CYFIP1: variants seen among roughly 807,000 people sequenced by gnomAD.
The protein encoded by CYFIP1 is cytoplasmic FMR1-interacting protein 1.
In CYFIP1, 58 loss-of-function variants were observed where a neutral mutation model predicts 163.5. The ratio of observed to expected loss-of-function variants is 0.35; its 90% CI spans 0.29 to 0.44. The LOEUF (loss-of-function observed/expected upper bound fraction) is 0.44. Ranked by LOEUF, CYFIP1 falls within the 20% of genes least tolerant of loss-of-function variation. CYFIP1 has a pLI of 1.00. For synonymous variants in CYFIP1, 663 were observed against 660.7 expected, an observed-to-expected ratio of 1.00 and a Z score of -0.05; for missense variants, 1,338 against 1,653.8, an observed-to-expected ratio of 0.81 and a Z score of 3.31.
chr15:22,910,059 A>T (rs1329475563), intron 20 of CYFIP1, among the ~76,000 whole-genome samples: 1 of 152,176 alleles, frequency 6.6e-6, no homozygotes, highest in African/African-American at 2.4e-5. Context: ...CCCAATAGAA[A>T]CGGTGTGTCT....
intron 24 of CYFIP1, 66 bp downstream of exon 24, chr15:22,882,802 C>T: frequency 1.9e-6 from 3 of 1,559,046 alleles, no homozygotes; most frequent in Non-Finnish European, 2.6e-6. Flanking sequence ...GCAGAGAAGA[C>T]CCTCTGGCAT....
intron 30 of CYFIP1, among the ~76,000 whole-genome samples, chr15:22,872,069 CAGG>C (rs1369769234): frequency 6.6e-6 from 1 of 152,094 alleles, no homozygotes; most frequent in African/African-American, 2.4e-5. Flanking sequence ...CACCTTATGT[CAGG>C]AGTTCAAGAT....
Position 22,909,187 on chromosome 15 carries a change from T to C in CYFIP1, c.2388+7A>G. On this transcript the variant is annotated splice_region_variant and intron_variant, in intron 21 of 30. Transcript: ENST00000617928. Reference sequence around the variant, plus strand: ...ATTTATCAATAGGGCAAAGTGAAATTACTTACAACTATGGAGGTCAAATCT... The same window carrying C: ...ATTTATCAATAGGGCAAAGTGAAATCACTTACAACTATGGAGGTCAAATCT... 1 of 1,613,692 alleles carries C rather than the reference T, an allele frequency of 6.2e-7. No homozygotes were observed. The highest frequency in any genetic ancestry group is 8.5e-7 in the Non-Finnish European group (1 of 1,179,632).
intron 11 of CYFIP1, among the ~76,000 whole-genome samples, chr15:22,930,389 C>CA (rs35398202): frequency 0.081 from 9,100 of 112,858 alleles, 367 homozygotes; most frequent in Non-Finnish European, 0.1. Flanking sequence ...CCGTCTCACC[C>CA]AAAAAAAAAA....
chr15:22,962,659 C>T (rs2090804925), intron 1 of CYFIP1, among the ~76,000 whole-genome samples: 1 of 152,064 alleles, frequency 6.6e-6, no homozygotes, highest in African/African-American at 2.4e-5. Context: ...CAGCCTCGGC[C>T]TCCCAAAGTG....
intron 1 of CYFIP1, among the ~76,000 whole-genome samples, chr15:22,960,546 G>T (rs572766628): frequency 6.6e-6 from 1 of 152,328 alleles, no homozygotes; most frequent in African/African-American, 2.4e-5. Flanking sequence ...CGAAAACTGT[G>T]GGAAAGGTAT....
intron 21 of CYFIP1, among the ~76,000 whole-genome samples, chr15:22,906,610 C>T (rs960214185): frequency 4.6e-5 from 7 of 151,948 alleles, no homozygotes; most frequent in Non-Finnish European, 7.4e-5. Context: ...GGACTACAGG[C>T]GTCCGCCATC....
chr15:22,966,574 T>C (rs1047485655), intron 1 of CYFIP1, among the ~76,000 whole-genome samples: 4 of 151,884 alleles, frequency 2.6e-5, no homozygotes, highest in African/African-American at 9.7e-5. Context: ...ACCCAGTCGC[T>C]GGTACTGTGT....
chr15:22,891,220 T>C (rs2060073309), intron 23 of CYFIP1, among the ~76,000 whole-genome samples: 1 of 151,608 alleles, frequency 6.6e-6, no homozygotes, highest in Admixed American at 6.6e-5. Flanking sequence ...AGGTCAGGAG[T>C]TGGAGACCAG....
At position 22,916,442 on chromosome 15, in the gene CYFIP1, T is replaced by C. The variant is rs778634651; in HGVS notation, c.1828+35A>G. On this transcript the variant is annotated intron_variant, in intron 16 of 30. Transcript: ENST00000617928. Reference sequence around the variant, plus strand: ...AGACGGTGTTAGTGGTGTTAGGACATGCCAGGCCGGATGCTGCTCAGCAGT... The same window carrying C: ...AGACGGTGTTAGTGGTGTTAGGACACGCCAGGCCGGATGCTGCTCAGCAGT... 2.2e-5 allele frequency: 33 copies of C among 1,503,018 alleles called. No homozygotes were observed. The African/African-American group carries it at 2.3e-4, about 11-fold the overall frequency. 93.1% of individuals were successfully genotyped at this position (1,503,018 alleles called of 1,614,324 possible).
At chr15:22,922,673 T>G (rs1017299587) in intron 13 of CYFIP1, among the ~76,000 whole-genome samples, 2 of 152,176 alleles carry the variant, frequency 1.3e-5, no homozygotes, top group African/African-American at 2.4e-5. Flanking sequence ...TAAATTAGGT[T>G]TAAGTTAGGA....
In CYFIP1 at chr15:22,886,221, G is replaced by A. The variant is rs1238390026; in HGVS notation, c.2677-3210C>T. ...CACCAGGTCCCTCCCTTGACTCATG[G>A]GGGTTATGAGGATTACAATTTCAGA... On this transcript the variant is annotated intron_variant, in intron 23 of 30. Coordinates refer to ENST00000617928, the MANE Select transcript of CYFIP1 (RefSeq NM_014608.6). 1.3e-5 allele frequency among the ~76,000 whole-genome samples: 2 copies of A among 152,114 alleles called. 1 individual carries two copies. Among genetic ancestry groups the A allele is most frequent in the Non-Finnish European group, 2.9e-5 (2 of 68,024 alleles).
At chr15:22,870,922 A>G (rs2059415892) in intron 30 of CYFIP1, among the ~76,000 whole-genome samples, 1 of 152,224 alleles carries the variant, frequency 6.6e-6, no homozygotes, top group African/African-American at 2.4e-5. Context: ...TTAAGAACAT[A>G]CACGCAAACA....
At chr15:22,878,587 G>C (rs1310804942) in intron 26 of CYFIP1, among the ~76,000 whole-genome samples, 1 of 150,942 alleles carries the variant, frequency 6.6e-6, no homozygotes, top group Non-Finnish European at 1.5e-5. Context: ...ATCTTTAGAT[G>C]ACAATGTAAA....
chr15:22,920,612 T>C (rs1227595681), intron 13 of CYFIP1, among the ~76,000 whole-genome samples: 3 of 152,162 alleles, frequency 2.0e-5, no homozygotes, highest in African/African-American at 7.2e-5. Flanking sequence ...CATCCTTCTA[T>C]AACGTAAAGA....
chr15:22,929,310 G>A (rs1243046362), intron 11 of CYFIP1, among the ~76,000 whole-genome samples: 1 of 151,712 alleles, frequency 6.6e-6, no homozygotes, highest in Non-Finnish European at 1.5e-5. Flanking sequence ...TCTAGTCACT[G>A]TAATTAGTAG....
At chr15:22,946,618 G>A (rs947017430) in intron 3 of CYFIP1, 12 of 351,506 alleles carry the variant, frequency 3.4e-5, no homozygotes, top group Non-Finnish European at 5.6e-5. Flanking sequence ...TCCAGCCTGG[G>A]TGGCAGAGCA....
intron 17 of CYFIP1, among the ~76,000 whole-genome samples, chr15:22,914,286 C>G (rs778496710): frequency 6.6e-6 from 1 of 152,132 alleles, no homozygotes; most frequent in African/African-American, 2.4e-5. Flanking sequence ...GCTGAGTCCC[C>G]GGGTCCCAGC....
chr15:22,879,582 T>C (rs1168053417), intron 26 of CYFIP1, among the ~76,000 whole-genome samples: 2 of 152,130 alleles, frequency 1.3e-5, no homozygotes, highest in Admixed American at 6.5e-5. Context: ...GCCTCAGGCA[T>C]ACAGAGGGCC....
Sources: gnomAD v4.1 joint callset for allele counts (sites outside exome capture counted in the v4.1 genomes callset) on GRCh38, gnomAD v4.1.1 for gene constraint, MANE v1.5 for transcripts, NCBI Gene and HGNC (gene_info 2026-07-23, HGNC 2026-07-21) for gene names.